Variants in PCCA observed in about 807,000 individuals in gnomAD.
PCCA encodes propionyl-CoA carboxylase alpha chain, mitochondrial.
A neutral mutation model predicts 101.3 loss-of-function variants in PCCA; 74 were observed. That is an observed-to-expected ratio of 0.73 (90% confidence interval 0.61 to 0.89). The LOEUF is 0.89. Ranked by LOEUF, PCCA falls within the 40% of genes least tolerant of loss-of-function variation. PCCA has a pLI of 0.00. For missense variants in PCCA, 891 were observed against 907.0 expected (o/e 0.98, Z 0.23); for synonymous variants, 294 against 313.6 (o/e 0.94, Z 0.66).
At chr13:100,277,755 C>T (rs2152611735) in intron 12 of PCCA, among the ~76,000 whole-genome samples, 2 of 152,292 alleles carry the variant, frequency 1.3e-5, no homozygotes, top group East Asian at 3.9e-4. Context: ...CATCTGTATT[C>T]TGCAGTGTAA....
intron 22 of PCCA, among the ~76,000 whole-genome samples, chr13:100,526,669 A>G (rs1273537623): frequency 6.6e-6 from 1 of 152,230 alleles, no homozygotes; most frequent in Non-Finnish European, 1.5e-5. Flanking sequence ...TGCCCTAGGA[A>G]CCTGGACTTG....
At position 100,394,702 on chromosome 13, in the gene PCCA, T is replaced by C. The variant is rs762864687; in HGVS notation, c.1746+26128T>C. On this transcript the variant is annotated intron_variant, in intron 19 of 23. Coordinates refer to ENST00000376285, the MANE Select transcript of PCCA (RefSeq NM_000282.4). This position sits in a 1 kb window ranked among gnomAD's most constrained non-coding sequence, Gnocchi z 4.3. ...CTTTGCCTACAGTGCACAGGTCAGG[T>C]CTGCTTCTCAATAAATATGTTGAAA... Among the ~76,000 whole-genome samples, 8 of 152,220 alleles carry C rather than the reference T, an allele frequency of 5.3e-5. No individual in the cohort carries two copies. Among genetic ancestry groups the C allele is most frequent in the Non-Finnish European group, 8.8e-5 (6 of 68,040 alleles).
chr13:100,187,494 C>T (rs552546074), intron 6 of PCCA, among the ~76,000 whole-genome samples: 43 of 152,000 alleles, frequency 2.8e-4, no homozygotes, highest in African/African-American at 4.3e-4. Flanking sequence ...GGATGACCTG[C>T]GATATCATCC....
At chr13:100,463,746 C>T (rs1166049287) in intron 21 of PCCA, among the ~76,000 whole-genome samples, 2 of 152,160 alleles carry the variant, frequency 1.3e-5, no homozygotes, top group East Asian at 1.9e-4. Flanking sequence ...AGGCCAGGCC[C>T]AGAATGGAGC....
intron 17 of PCCA, among the ~76,000 whole-genome samples, chr13:100,331,272 T>G (rs1290781058): frequency 1.3e-5 from 2 of 152,170 alleles, no homozygotes; most frequent in African/African-American, 2.4e-5. Flanking sequence ...CAAAACATAG[T>G]TAACATAAGA....
At chr13:100,116,138 C>T (rs868857697) in intron 4 of PCCA, among the ~76,000 whole-genome samples, 27 of 152,186 alleles carry the variant, frequency 1.8e-4, no homozygotes, top group African/African-American at 6.5e-4. Flanking sequence ...CATAGCTAAT[C>T]AGCTTTATAA....
chr13:100,259,340 T>G (rs2062300190), intron 9 of PCCA, among the ~76,000 whole-genome samples: 1 of 142,020 alleles, frequency 7.0e-6, no homozygotes, highest in South Asian at 2.4e-4. Flanking sequence ...TTTTTTTTTT[T>G]TTTTTTTTTT....
intron 21 of PCCA, among the ~76,000 whole-genome samples, chr13:100,512,567 C>G (rs2086562937): frequency 1.3e-5 from 2 of 152,152 alleles, no homozygotes; most frequent in Non-Finnish European, 2.9e-5. Flanking sequence ...GCCCCGAGCT[C>G]ACTGGAGCGA....
intron 4 of PCCA, among the ~76,000 whole-genome samples, chr13:100,112,935 G>A (rs1257814855): frequency 6.6e-6 from 1 of 152,104 alleles, no homozygotes; most frequent in African/African-American, 2.4e-5. Context: ...ATCCCATGGG[G>A]AAAGAATGTA....
intron 4 of PCCA, among the ~76,000 whole-genome samples, chr13:100,114,273 T>G (rs1343384050): frequency 6.6e-6 from 1 of 152,096 alleles, no homozygotes; most frequent in African/African-American, 2.4e-5. Context: ...AATCTAGTAA[T>G]TTGATTAAAA....
intron 4 of PCCA, among the ~76,000 whole-genome samples, chr13:100,116,376 T>A (rs932327788): frequency 9.2e-5 from 14 of 152,174 alleles, no homozygotes; most frequent in Admixed American, 8.5e-4. Flanking sequence ...AAGGTAATTA[T>A]GCAAGGAAAA....
At chr13:100,492,455 T>G (rs144823548) in intron 21 of PCCA, among the ~76,000 whole-genome samples, 10 of 151,832 alleles carry the variant, frequency 6.6e-5, no homozygotes, top group African/African-American at 2.4e-4. Flanking sequence ...CTCTAAGCAG[T>G]AAGAGACAGT....
intron 17 of PCCA, among the ~76,000 whole-genome samples, chr13:100,331,479 C>T (rs1226579677): frequency 6.6e-6 from 1 of 152,106 alleles, no homozygotes; most frequent in Admixed American, 6.5e-5. Flanking sequence ...TATATAGATT[C>T]AGGTCAAGTT....
rs181485552 is a variant in PCCA at position 100,348,358 on chromosome 13, T to C, written c.1643+8099T>C. Among the ~76,000 whole-genome samples the C allele has an allele frequency of 5.3e-5, 8 of 152,336 alleles. No homozygotes were observed. In the East Asian group the frequency reaches 1.4e-3, roughly 26 times the overall value. On this transcript the variant is annotated intron_variant, in intron 18 of 23. Transcript: ENST00000376285. ...GTTCATTTTAGAAAAAAAGAAAAGTTAATGTCAGAAACAATAGCCATTTTT... is the reference window on the plus strand; with the variant it reads ...GTTCATTTTAGAAAAAAAGAAAAGTCAATGTCAGAAACAATAGCCATTTTT...
intron 8 of PCCA, chr13:100,237,329 A>G (rs563701326): frequency 2.0e-5 from 3 of 152,302 alleles, no homozygotes; most frequent in East Asian, 1.9e-4. Flanking sequence ...GCAAAAATCT[A>G]TCTTATTGAT....
intron 6 of PCCA, among the ~76,000 whole-genome samples, chr13:100,202,295 C>T (rs2058570703): frequency 6.6e-6 from 1 of 152,036 alleles, no homozygotes; most frequent in South Asian, 2.1e-4. Flanking sequence ...AATGGCACCC[C>T]TGCACTCCAG....
At chr13:100,447,814 A>G (rs573585460) in intron 20 of PCCA, among the ~76,000 whole-genome samples, 1 of 152,306 alleles carries the variant, frequency 6.6e-6, no homozygotes, top group Non-Finnish European at 1.5e-5. Flanking sequence ...GGTAGGGGAA[A>G]ACATTTTGCA....
intron 1 of PCCA, among the ~76,000 whole-genome samples, chr13:100,095,338 G>A (rs933583318): frequency 6.6e-6 from 1 of 152,142 alleles, no homozygotes; most frequent in Non-Finnish European, 1.5e-5. Context: ...AGGGGCTATC[G>A]TTCAATTCAC....
chr13:100,286,918 CTT>C (rs1340618599), intron 12 of PCCA, among the ~76,000 whole-genome samples: 2 of 152,078 alleles, frequency 1.3e-5, no homozygotes, highest in African/African-American at 2.4e-5. Context: ...TAAATCTTCT[CTT>C]TGTGATTTCA....
Sources: allele counts gnomAD v4.1 joint callset (sites outside exome capture counted in the v4.1 genomes callset), GRCh38; gene constraint gnomAD v4.1.1; non-coding constraint Gnocchi (gnomAD v3.1); transcripts MANE v1.5; gene names NCBI Gene and HGNC (gene_info 2026-07-23, HGNC 2026-07-21).